TRIM46: variants seen among roughly 807,000 people sequenced by gnomAD.
TRIM46 encodes the protein tripartite motif-containing protein 46.
TRIM46 carries 17 observed loss-of-function variants against 69.7 expected under a neutral mutation model. The ratio of observed to expected loss-of-function variants is 0.24; its 90% CI spans 0.17 to 0.37. TRIM46 has a LOEUF of 0.37. Among genes scored for constraint, TRIM46 ranks in the 10% least tolerant of loss-of-function variants. TRIM46 has a pLI of 1.00. For synonymous variants in TRIM46, 391 were observed against 429.0 expected (o/e 0.91, Z 1.09); for missense variants, 675 against 1,025.1 (o/e 0.66, Z 4.66).
chr1:155,174,169 C>A, intron 1 of TRIM46, 140 bp downstream of exon 1: 1 of 1,016,902 alleles, frequency 9.8e-7, no homozygotes, highest in Non-Finnish European at 1.5e-6. Flanking sequence ...CTGGGAGGGT[C>A]GGGATGCAGG....
At position 155,177,227 on chromosome 1, in the gene TRIM46, G is replaced by T; in HGVS notation, c.846G>T (p.Leu282=). ...DKLTKSLTYI[L]GNQDTVQTQI... ...TGACAAAGAGCCTGACATACATCCTGGGAAACCAGGACACGGTACAGACCC... is the reference window on the plus strand; with the variant it reads ...TGACAAAGAGCCTGACATACATCCTTGGAAACCAGGACACGGTACAGACCC... The change falls in exon 5 of 10, where the codon CTG becomes CTT. Residue 282 remains leucine (L), a synonymous_variant. Coordinates refer to ENST00000334634, the MANE Select transcript of TRIM46 (RefSeq NM_025058.5). 7.4e-6 allele frequency: 12 copies of T among 1,614,172 alleles called. No individual in the cohort carries two copies. The highest frequency in any genetic ancestry group is 1.0e-5 in the Non-Finnish European group (12 of 1,180,030).
rs1048309880 is a variant in TRIM46, at chr1:155,178,058, T to C, written c.966T>C (p.Ala322=). ...CGCAGCTGGTGCGGGGGCTGGGGGC[T>C]GTGCTGGAGGAGAAGCGGGCATCAC... ...EVSQLVRGLG[A]VLEEKRASLL... The change falls in exon 6 of 10, where the codon GCT becomes GCC. Residue 322 remains alanine, a synonymous_variant. Transcript: ENST00000334634. 1.2e-6 allele frequency: 2 copies of C among 1,613,772 alleles called. No individual in the cohort carries two copies. Among genetic ancestry groups the C allele is most frequent in the African/African-American group, 2.7e-5 (2 of 74,924 alleles).
At position 155,175,442 on chromosome 1, in the gene TRIM46, C is replaced by T. The variant is rs1046289700; in HGVS notation, c.120C>T (p.Tyr40=). 6.2e-7 allele frequency: 1 copy of T among 1,614,126 alleles called. No individual in the cohort carries two copies. The highest frequency in any genetic ancestry group is 1.7e-5 in the Admixed American group (1 of 60,004). Residue 40 remains tyrosine, a synonymous_variant, in exon 2 of 10, where the codon TAC becomes TAT. Coordinates refer to ENST00000334634, the MANE Select transcript of TRIM46 (RefSeq NM_025058.5). This position sits in a 1 kb window ranked among gnomAD's most constrained non-coding sequence, Gnocchi z 4.2. ...ELLCPVCQEM[Y]KQPLVLPCTH... ...TGTGCCCAGTGTGTCAAGAGATGTA[C>T]AAGCAGCCACTGGTGCTGCCCTGTA...
At position 155,184,215 on chromosome 1, in the gene TRIM46, C is replaced by T. The variant is rs1341232234; in HGVS notation, c.*25C>T. 1.0e-5 allele frequency: 16 copies of T among 1,561,012 alleles called. No homozygotes were observed. The highest frequency in any genetic ancestry group is 1.3e-5 in the Non-Finnish European group (15 of 1,154,996). On this transcript the variant is annotated 3_prime_UTR_variant, in exon 10 of 10. Coordinates refer to ENST00000334634, the MANE Select transcript of TRIM46 (RefSeq NM_025058.5). This position sits in a 1 kb window ranked among gnomAD's most constrained non-coding sequence, Gnocchi z 5.6. ...AGCCTTCCAGGCCCCTCATGCAGAC[C>T]TGGGGTCCTCCTGGGCCCTGGCCCC...
At position 155,179,722 on chromosome 1, in the gene TRIM46, C is replaced by T; in HGVS notation, c.1376C>T (p.Ala459Val). ...CGGCTGCCCCCCCATTCACCACCTGCCTGGCACTATACCGTTGAGTTCCGG... is the reference window on the plus strand; with the variant it reads ...CGGCTGCCCCCCCATTCACCACCTGTCTGGCACTATACCGTTGAGTTCCGG... Reference protein sequence around the residue: ...CWRLPPHSPPAWHYTVEFRRT... With the variant: ...CWRLPPHSPPVWHYTVEFRRT... The change falls in exon 8 of 10, where the codon GCC becomes GTC. Residue 459 changes from alanine to valine, a missense_variant. Physicochemically the swap from Ala to Val is moderately conservative, Grantham distance 64 (BLOSUM62 0). Transcript: ENST00000334634. 1 of 1,613,588 alleles carries T rather than the reference C, an allele frequency of 6.2e-7. No homozygotes were observed. The highest frequency in any genetic ancestry group is 8.5e-7 in the Non-Finnish European group (1 of 1,180,022).
Position 155,175,780 on chromosome 1 carries a change from A to G in TRIM46, c.326-108A>G. ...GGAGATACTGCTTACGCAGGCTCTA[A>G]TGAGAGCTGAGCTCTGGCACAATGA... On this transcript the variant is annotated intron_variant, in intron 2 of 9. Transcript: ENST00000334634. This position sits in a 1 kb window ranked among gnomAD's most constrained non-coding sequence, Gnocchi z 4.2. The G allele has an allele frequency of 6.3e-7, 1 of 1,575,572 alleles. No individual in the cohort carries two copies. Among genetic ancestry groups the G allele is most frequent in the South Asian group, 1.1e-5 (1 of 89,338 alleles).
Position 155,177,308 on chromosome 1 carries a change from G to A in TRIM46, c.909+18G>A, listed in dbSNP as rs1332501624. 4.4e-6 allele frequency: 7 copies of A among 1,608,382 alleles called. No homozygotes were observed. The highest frequency in any genetic ancestry group is 3.3e-5 in the Admixed American group (2 of 60,022). On this transcript the variant is annotated intron_variant, in intron 5 of 9. Coordinates refer to ENST00000334634, the MANE Select transcript of TRIM46 (RefSeq NM_025058.5). ...ACACCGAGGTGAGGGAGGGCACAGAGGTAGGCCCTGGGCCCTGCCTGGGAG... is the reference window on the plus strand; with the variant it reads ...ACACCGAGGTGAGGGAGGGCACAGAAGTAGGCCCTGGGCCCTGCCTGGGAG...
In TRIM46 at chr1:155,181,883, C is replaced by T. The variant is rs201903426; in HGVS notation, c.1620C>T (p.Gly540=). ...ACTTCTTCCTCGATAGCCGCTGGGG[C>T]GCAAGCCGAGAGCGGCTGGCTATCA... The part of the protein sequence containing the change: ...VLHFFLDSRW[G]ASRERLAISK... Residue 540 remains glycine (G), a synonymous_variant, in exon 9 of 10, where the codon GGC becomes GGT. Coordinates refer to ENST00000334634, the MANE Select transcript of TRIM46 (RefSeq NM_025058.5). This position sits in a 1 kb window ranked among gnomAD's most constrained non-coding sequence, Gnocchi z 4.3. 4.3e-6 allele frequency: 7 copies of T among 1,612,930 alleles called. No individual in the cohort carries two copies. The highest frequency in any genetic ancestry group is 1.3e-5 in the African/African-American group (1 of 75,052).
chr1:155,174,744 T>C (rs2147775542), intron 1 of TRIM46: 2 of 1,457,608 alleles, frequency 1.4e-6, no homozygotes, highest in Non-Finnish European at 9.0e-7. Context: ...GGGCTCTTGA[T>C]TCCCCCGCTA....
chr1:155,177,510 C>T (rs1341615783), intron 5 of TRIM46, among the ~76,000 whole-genome samples: 3 of 152,006 alleles, frequency 2.0e-5, no homozygotes, highest in South Asian at 2.1e-4. Flanking sequence ...GGAGAGTGCT[C>T]GAAAAACCCC....
chr1:155,179,821 T>G lies in TRIM46; in HGVS notation c.1475T>G (p.Leu492Arg). ...RREEVRGTSA[L>R]LENPDTGSVY... ...GAGGAGGTGAGGGGCACCAGTGCCC[T>G]GCTTGAGAACCCCGACACGGGCTCT... Residue 492 changes from leucine to arginine, a missense_variant, in exon 8 of 10, where the codon CTG becomes CGG. Transcript: ENST00000334634. 1.2e-6 allele frequency: 2 copies of G among 1,613,284 alleles called. No individual in the cohort carries two copies. The highest frequency in any genetic ancestry group is 1.7e-6 in the Non-Finnish European group (2 of 1,179,864).
intron 3 of TRIM46, 150 bp from the exon 4 acceptor site, chr1:155,176,782 T>C (rs1322903575): frequency 1.0e-6 from 1 of 966,866 alleles, no homozygotes; most frequent in Non-Finnish European, 1.6e-6. Context: ...GATGCCAGTA[T>C]GTACCACCAG....
chr1:155,179,601 CCTGA>C (rs752808206), intron 7 of TRIM46, 27 bp from the exon 8 acceptor site: 1 of 1,562,226 alleles, frequency 6.4e-7, no homozygotes, highest in Non-Finnish European at 8.7e-7. Context: ...GTGGCCAGGC[CCTGA>C]CTGACACCCG....
chr1:155,179,505 C>A lies in TRIM46; in HGVS notation c.1286-127C>A. The A allele has an allele frequency of 8.6e-6, 7 of 809,890 alleles. No homozygotes were observed. In the East Asian group the frequency reaches 1.1e-4, roughly 12 times the overall value. 50.2% of individuals were successfully genotyped at this position (809,890 alleles called of 1,614,324 possible). A position where few individuals can be genotyped will look rare whatever the true frequency, so the allele number is the denominator to read the frequency against. On this transcript the variant is annotated intron_variant, in intron 7 of 9. Transcript: ENST00000334634. Reference sequence around the variant, plus strand: ...GTGCCCAGTTCCCAGATGAGCCCTTCCCCAGCTCCCTCTCACCCACACTCA... The same window carrying A: ...GTGCCCAGTTCCCAGATGAGCCCTTACCCAGCTCCCTCTCACCCACACTCA...
intron 1 of TRIM46, chr1:155,174,663 T>A: frequency 6.7e-7 from 1 of 1,495,052 alleles, no homozygotes; most frequent in South Asian, 1.3e-5. Flanking sequence ...GGGTGGGGCA[T>A]AGCCTGAGGA....
chr1:155,183,637 T>C (rs1052963916), intron 9 of TRIM46, among the ~76,000 whole-genome samples, 160 bp from the exon 10 acceptor site: 5 of 152,106 alleles, frequency 3.3e-5, no homozygotes, highest in Non-Finnish European at 7.4e-5. Flanking sequence ...CCTGACCCTA[T>C]ACTCTAACCC....
At position 155,178,028 on chromosome 1, in the gene TRIM46, G is replaced by A; in HGVS notation, c.936G>A (p.Glu312=). 1 of 1,613,486 alleles carries A rather than the reference G, an allele frequency of 6.2e-7. No homozygotes were observed. Among genetic ancestry groups the A allele is most frequent in the Non-Finnish European group, 8.5e-7 (1 of 1,179,972 alleles). ...TGAGTGGTCAGCAGGCCAAGGAGGA[G>A]GTGTCGCAGCTGGTGCGGGGGCTGG... is the stretch of plus-strand genomic sequence containing the variant. ...TEVSGQQAKE[E]VSQLVRGLGA... is the part of the protein sequence containing the mutation. Residue 312 remains glutamate, a synonymous_variant, in exon 6 of 10, where the codon GAG becomes GAA. Coordinates refer to ENST00000334634, the MANE Select transcript of TRIM46 (RefSeq NM_025058.5).
chr1:155,184,239 C>T lies in TRIM46; in HGVS notation c.*49C>T. On this transcript the variant is annotated 3_prime_UTR_variant, in exon 10 of 10. Transcript: ENST00000334634. The surrounding 1 kb of genome is among the most constrained non-coding windows in gnomAD (Gnocchi z 5.6). ...CCTGGGGTCCTCCTGGGCCCTGGCC[C>T]CCAAACCTCTTGGCACCCGGTTGTT... 1 of 1,507,304 alleles carries T rather than the reference C, an allele frequency of 6.6e-7. No individual in the cohort carries two copies. The highest frequency in any genetic ancestry group is 8.8e-7 in the Non-Finnish European group (1 of 1,131,744). The allele number at this position is 1,507,304 out of a possible 1,614,324, so 93.4% of individuals were successfully genotyped here.
Position 155,174,838 on chromosome 1 carries a change from G to C in TRIM46, c.64-548G>C, listed in dbSNP as rs974147611. ...GATGGGGGCGAAGGGGAATGGGTTGGTAAGACCGATGGGGAAGTGAAGGAT... is the reference window on the plus strand; with the variant it reads ...GATGGGGGCGAAGGGGAATGGGTTGCTAAGACCGATGGGGAAGTGAAGGAT... On this transcript the variant is annotated intron_variant, in intron 1 of 9. Transcript: ENST00000334634. 1.8e-5 allele frequency: 25 copies of C among 1,423,334 alleles called. No individual in the cohort carries two copies. In the African/African-American group the frequency reaches 3.5e-4, roughly 20 times the overall value. 88.2% of individuals were successfully genotyped at this position (1,423,334 alleles called of 1,614,324 possible). A position where few individuals can be genotyped will look rare whatever the true frequency, so the allele number is the denominator to read the frequency against.
Sources: gnomAD v4.1 joint callset for allele counts (sites outside exome capture counted in the v4.1 genomes callset) on GRCh38, gnomAD v4.1.1 for gene constraint, Gnocchi (gnomAD v3.1) non-coding constraint, MANE v1.5 for transcripts, NCBI Gene and HGNC (gene_info 2026-07-23, HGNC 2026-07-21) for gene names.